TRPM5: variants seen among roughly 807,000 people sequenced by gnomAD.
TRPM5 encodes the protein transient receptor potential cation channel subfamily M member 5, also known as MLSN1 and TRP-related.
In TRPM5, 121 loss-of-function variants were observed where a neutral mutation model predicts 124.9. That is an observed-to-expected ratio of 0.97 (90% CI 0.84 to 1.13). The LOEUF (loss-of-function observed/expected upper bound fraction) is 1.13. Among genes scored for constraint, TRPM5 ranks in the 50% most tolerant of loss-of-function variants. The pLI, the probability that TRPM5 is intolerant of heterozygous loss-of-function variation, is 0.00. For synonymous variants in TRPM5, 781 were observed against 700.5 expected (o/e 1.11, Z -1.81); for missense variants, 1,643 against 1,589.1 (o/e 1.03, Z -0.58).
rs1332601201 is a variant in TRPM5 at position 2,413,126 on chromosome 11, C to T, written c.2096+8G>A. 6.4e-7 allele frequency: 1 copy of T among 1,552,948 alleles called. No homozygotes were observed. Among genetic ancestry groups the T allele is most frequent in the Non-Finnish European group, 8.7e-7 (1 of 1,148,502 alleles). On this transcript the variant is annotated splice_region_variant and intron_variant, in intron 14 of 23. Coordinates refer to ENST00000155858, the Ensembl canonical transcript of TRPM5. ...CCCCTCCACCCTGCCTGGCCCTGTGCCTCGCACCGGCTCTGCAGGCCATAC... is the reference window on the plus strand; with the variant it reads ...CCCCTCCACCCTGCCTGGCCCTGTGTCTCGCACCGGCTCTGCAGGCCATAC...
chr11:2,440,052 A>T, the TRPM5 span, among the ~76,000 whole-genome samples: 1 of 152,232 alleles, frequency 6.6e-6, no homozygotes, highest in Non-Finnish European at 1.5e-5. The surrounding 1 kb of genome is among the most constrained non-coding windows in gnomAD (Gnocchi z 5.2). Context: ...GCTGGACACC[A>T]TTATCCTAAG....
Position 2,411,492 on chromosome 11 carries a change from C to A in TRPM5, c.2642G>T (p.Ser881Ile), listed in dbSNP as rs769234683. The stretch of plus-strand genomic sequence containing the variant: ...GACACCGTAGGCCACGAGCCACACG[C>A]TCAGAAAGAAGAGGAAGAAGAAGAC... The change falls in exon 18 of 24, where the codon AGC becomes ATC. Residue 881 changes from serine to isoleucine, a missense_variant. By Grantham distance (142) the Ser-to-Ile change is moderately radical. Transcript: ENST00000155858. The A allele has an allele frequency of 8.7e-6, 14 of 1,610,424 alleles. No homozygotes were observed. The highest frequency in any genetic ancestry group is 1.1e-5 in the Non-Finnish European group (13 of 1,178,462).
Position 2,407,857 on chromosome 11 carries a change from G to T in TRPM5, c.2838C>A (p.Cys946Ter). The T allele has an allele frequency of 6.2e-7, 1 of 1,614,016 alleles. No individual in the cohort carries two copies. The highest frequency in any genetic ancestry group is 1.1e-5 in the South Asian group (1 of 91,090). The change falls in exon 19 of 24, where the codon TGC becomes TGA. Residue 946 changes from cysteine (C) to a stop codon, truncating the protein, a stop_gained. Coordinates refer to ENST00000155858, the Ensembl canonical transcript of TRPM5. LOFTEE classifies it high-confidence loss of function. ...CCAGCCAGTTGGCATAGAGGCTGGG[G>T]CAGGATGGTGAGTCCTCCAGCAGCA... is the stretch of plus-strand genomic sequence containing the variant.
At chr11:2,411,823 C>T (rs1206856420) in intron 16 of TRPM5, 56 bp from the exon 22 acceptor site, 7 of 1,601,560 alleles carry the variant, frequency 4.4e-6, no homozygotes, top group Middle Eastern at 1.9e-4. Context: ...AGAGGCTTCC[C>T]CAGGGGCACA....
At chr11:2,410,820 G>A (rs561460534) in intron 18 of TRPM5, 35 of 380,650 alleles carry the variant, frequency 9.2e-5, no homozygotes, top group East Asian at 6.9e-4. Context: ...CTTTAGGAGC[G>A]GCCAAATGGC....
At chr11:2,404,364 A>G (rs537494746), downstream of TRPM5, among the ~76,000 whole-genome samples, 37 of 152,322 alleles carry the variant, frequency 2.4e-4, no homozygotes, top group Middle Eastern at 3.4e-3. Context: ...TCTTGGGGCC[A>G]TAAACACCAG....
intron 3 of TRPM5, among the ~76,000 whole-genome samples, 157 bp from the exon 9 acceptor site, chr11:2,420,562 A>G (rs1845757421): frequency 6.6e-6 from 1 of 152,144 alleles, no homozygotes; most frequent in Admixed American, 6.5e-5. Context: ...AGACAAAAGG[A>G]GGGACGAACA....
the TRPM5 span, among the ~76,000 whole-genome samples, chr11:2,431,284 G>A: frequency 7.2e-5 from 11 of 152,100 alleles, no homozygotes; most frequent in Non-Finnish European, 1.5e-4. Context: ...AGTTCTGAGA[G>A]CGAGGGGCCT....
At chr11:2,443,907 G>T in the TRPM5 span, among the ~76,000 whole-genome samples, 1 of 146,350 alleles carries the variant, frequency 6.8e-6, no homozygotes, top group Non-Finnish European at 1.5e-5. This position sits in a 1 kb window ranked among gnomAD's most constrained non-coding sequence, Gnocchi z 5.0. Context: ...AAAATCTTCC[G>T]ATGTGACCAA....
chr11:2,413,155 G>T (rs200948792), exon 14 of TRPM5: 1 of 1,553,434 alleles, frequency 6.4e-7, no homozygotes, highest in East Asian at 2.4e-5. Context: ...GCCATACAGC[G>T]GGCTCTTCTC....
At chr11:2,412,382 G>GTCCC in intron 15 of TRPM5, 129 bp from the exon 21 acceptor site, 2 of 737,936 alleles carry the variant, frequency 2.7e-6, no homozygotes, top group Non-Finnish European at 4.6e-6. Context: ...CTACCAGTGG[G>GTCCC]ACTAGGGGTC....
exon 2 of TRPM5, chr11:2,422,189 G>T (rs1406960330): frequency 2.5e-6 from 4 of 1,612,240 alleles, no homozygotes; most frequent in Admixed American, 1.7e-5. Context: ...ACATCCCGCA[G>T]CCAGGACTTC....
chr11:2,412,339 G>GGATCAGGGTTCAGCGTGCCATGGA, intron 15 of TRPM5, 86 bp from the exon 21 acceptor site: 1 of 983,454 alleles, frequency 1.0e-6, no homozygotes, highest in African/African-American at 2.8e-5. Flanking sequence ...GGATCTGTAA[G>GGATCAGGGTTCAGCGTGCCATGGA]GATCAGGGTT....
At chr11:2,442,420 C>G in the TRPM5 span, among the ~76,000 whole-genome samples, 44 of 134,476 alleles carry the variant, frequency 3.3e-4, no homozygotes, top group Non-Finnish European at 5.8e-4. The surrounding 1 kb of genome is among the most constrained non-coding windows in gnomAD (Gnocchi z 5.9). Context: ...CACACACACA[C>G]AGAGTTCTTT....
intron 22 of TRPM5, 81 bp downstream of exon 27, chr11:2,405,938 G>A: frequency 7.8e-7 from 1 of 1,283,584 alleles, no homozygotes; most frequent in Non-Finnish European, 1.1e-6. Context: ...TGAGTGACCG[G>A]GCAGGGCTGT....
In TRPM5 at chr11:2,405,918, C is replaced by T; in HGVS notation, c.3324+101G>A. 6.2e-6 allele frequency: 7 copies of T among 1,136,456 alleles called. No homozygotes were observed. In the South Asian group the frequency reaches 6.5e-5, roughly 11 times the overall value. 70.4% of individuals were successfully genotyped at this position (1,136,456 alleles called of 1,614,324 possible). A position where few individuals can be genotyped will look rare whatever the true frequency, so the allele number is the denominator to read the frequency against. ...TGCTCCTGTCCTGGCTCTGGCCTGC[C>T]TCATCTCTGTGAGTGACCGGGCAGG... On this transcript the variant is annotated intron_variant, in intron 22 of 23. Transcript: ENST00000155858.
At chr11:2,407,047 C>T (rs1447135677) in intron 20 of TRPM5, 72 bp downstream of exon 25, 6 of 1,450,964 alleles carry the variant, frequency 4.1e-6, no homozygotes, top group Middle Eastern at 2.5e-4. Context: ...GACCTGCCTC[C>T]AGCGCACAGC....
chr11:2,435,163 A>G, the TRPM5 span, among the ~76,000 whole-genome samples: 1 of 152,122 alleles, frequency 6.6e-6, no homozygotes, highest in Non-Finnish European at 1.5e-5. The surrounding 1 kb of genome is among the most constrained non-coding windows in gnomAD (Gnocchi z 4.1). Context: ...GACACAGACA[A>G]CAAGCAAGGG....
chr11:2,414,009 G>GGGGGGGCCCCCCCCCCCCCCC, intron 12 of TRPM5, 52 bp downstream of exon 17: 144 of 1,023,476 alleles, frequency 1.4e-4, no homozygotes, highest in East Asian at 2.3e-4. Flanking sequence ...GGCCCAGCTC[G>GGGGGGGCCCCCCCCCCCCCCC]CCCGCCCACC....
Sources: gnomAD v4.1 joint callset for allele counts (sites outside exome capture counted in the v4.1 genomes callset) on GRCh38, gnomAD v4.1.1 for gene constraint, Gnocchi (gnomAD v3.1) non-coding constraint, MANE v1.5 for transcripts, NCBI Gene and HGNC (gene_info 2026-07-23, HGNC 2026-07-21) for gene names.